AP3S1: variants seen among roughly 807,000 people sequenced by gnomAD.
AP3S1 encodes the protein adaptor related protein complex 3 subunit sigma 1, also known as AP-3 complex subunit sigma-1.
A neutral mutation model predicts 21.3 loss-of-function variants in AP3S1; 12 were observed. The ratio of observed to expected loss-of-function variants is 0.56; its 90% CI spans 0.36 to 0.91. The LOEUF (loss-of-function observed/expected upper bound fraction) is 0.91, where lower values mean the gene tolerates loss of function less well. Among genes scored for constraint, AP3S1 ranks in the 40% least tolerant of loss-of-function variants. The pLI is 0.01. For missense variants in AP3S1, 116 were observed against 225.0 expected (o/e 0.52, Z 3.10); for synonymous variants, 48 against 78.4 (o/e 0.61, Z 2.05).
intron 1 of AP3S1, among the ~76,000 whole-genome samples, chr5:115,848,064 G>A (rs1162586067): frequency 6.6e-6 from 1 of 152,132 alleles, no homozygotes; most frequent in African/African-American, 2.4e-5. Flanking sequence ...TTTTGGTTAT[G>A]AGGTAAGTGT....
intron 3 of AP3S1, among the ~76,000 whole-genome samples, chr5:115,884,410 A>C (rs1417674363): frequency 6.6e-6 from 1 of 152,114 alleles, no homozygotes; most frequent in Admixed American, 6.5e-5. Context: ...CTAAAGATAC[A>C]AAAAATTAGC....
chr5:115,849,615 CT>C (rs1475283689), intron 1 of AP3S1, among the ~76,000 whole-genome samples: 1 of 152,194 alleles, frequency 6.6e-6, no homozygotes, highest in African/African-American at 2.4e-5. Flanking sequence ...GGAGATACTC[CT>C]CTTTGAATCA....
chr5:115,907,969 T>TTAGA (rs1751793383), intron 5 of AP3S1, among the ~76,000 whole-genome samples: 1 of 152,146 alleles, frequency 6.6e-6, no homozygotes, highest in African/African-American at 2.4e-5. Flanking sequence ...ACTTACGAAG[T>TTAGA]TAGATTATGC....
At chr5:115,845,410 C>A (rs1761981482) in intron 1 of AP3S1, among the ~76,000 whole-genome samples, 2 of 152,194 alleles carry the variant, frequency 1.3e-5, no homozygotes, top group Non-Finnish European at 2.9e-5. Flanking sequence ...GTGCACATTT[C>A]CATTTCATGC....
intron 3 of AP3S1, among the ~76,000 whole-genome samples, chr5:115,889,267 A>G (rs979334767): frequency 5.9e-5 from 9 of 152,206 alleles, no homozygotes; most frequent in Non-Finnish European, 1.0e-4. Flanking sequence ...TATGACTGCA[A>G]CATATAGGTA....
At chr5:115,885,049 C>A (rs1435003039) in intron 3 of AP3S1, among the ~76,000 whole-genome samples, 2 of 152,210 alleles carry the variant, frequency 1.3e-5, no homozygotes, top group Admixed American at 1.3e-4. Context: ...TCTGCACTAA[C>A]ATGACGGCCA....
intron 5 of AP3S1, among the ~76,000 whole-genome samples, chr5:115,909,590 G>A (rs575686171): frequency 4.8e-4 from 73 of 152,076 alleles, no homozygotes; most frequent in Admixed American, 1.4e-3. Flanking sequence ...TGGTGTAGTC[G>A]CTGCAGTTTT....
intron 1 of AP3S1, among the ~76,000 whole-genome samples, chr5:115,864,123 A>G (rs3984984): frequency 0.011 from 1,634 of 152,342 alleles, 35 homozygotes; most frequent in African/African-American, 0.037. Flanking sequence ...ATTCAGGTTT[A>G]TGATGAGGAC....
At chr5:115,869,519 A>T (rs1422488153) in intron 2 of AP3S1, among the ~76,000 whole-genome samples, 1 of 152,106 alleles carries the variant, frequency 6.6e-6, no homozygotes, top group Non-Finnish European at 1.5e-5. Context: ...TTTGTTCTTG[A>T]TGAAATGTCC....
chr5:115,896,990 T>A (rs1295029927), intron 4 of AP3S1, among the ~76,000 whole-genome samples: 1 of 152,154 alleles, frequency 6.6e-6, no homozygotes, highest in African/African-American at 2.4e-5. Context: ...TTAAGGAAAT[T>A]AAGCTGTACT....
chr5:115,850,366 A>G (rs1483481646), intron 1 of AP3S1, among the ~76,000 whole-genome samples: 1 of 152,240 alleles, frequency 6.6e-6, no homozygotes, highest in Non-Finnish European at 1.5e-5. Context: ...AGTAAAAAAT[A>G]TATAACAAAA....
chr5:115,907,794 A>G (rs1251082352), intron 5 of AP3S1, among the ~76,000 whole-genome samples: 3 of 152,288 alleles, frequency 2.0e-5, no homozygotes, highest in South Asian at 2.1e-4. Context: ...TTTTCACACC[A>G]TAAATTAACT....
At chr5:115,873,477 TCA>T (rs1308903078) in intron 3 of AP3S1, among the ~76,000 whole-genome samples, 2 of 152,138 alleles carry the variant, frequency 1.3e-5, no homozygotes, top group African/African-American at 4.8e-5. Context: ...ATGTATTGTG[TCA>T]CAAAAAAGAA....
At chr5:115,872,868 GA>G (rs549934590) in intron 3 of AP3S1, among the ~76,000 whole-genome samples, 7 of 151,908 alleles carry the variant, frequency 4.6e-5, no homozygotes, top group African/African-American at 1.4e-4. Flanking sequence ...TATTTTTACA[GA>G]AAAAAAATTA....
chr5:115,907,790 C>T (rs1466150522), intron 5 of AP3S1, among the ~76,000 whole-genome samples: 1 of 152,092 alleles, frequency 6.6e-6, no homozygotes, highest in Non-Finnish European at 1.5e-5. Context: ...CGTTTTTTCA[C>T]ACCATAAATT....
chr5:115,877,384 ATGTTCCCCTCCCTG>A (rs1007582999), intron 3 of AP3S1, among the ~76,000 whole-genome samples: 1 of 151,966 alleles, frequency 6.6e-6, no homozygotes, highest in Non-Finnish European at 1.5e-5. Flanking sequence ...CCGGTGTGTG[ATGTTCCCCTCCCTG>A]TGTCCATGTG....
intron 3 of AP3S1, among the ~76,000 whole-genome samples, chr5:115,889,565 G>T (rs1750099406): frequency 6.6e-6 from 1 of 152,186 alleles, no homozygotes; most frequent in Non-Finnish European, 1.5e-5. Flanking sequence ...GATTTTATTG[G>T]AATGGAAAAA....
At chr5:115,893,477 C>T (rs995991901) in intron 3 of AP3S1, among the ~76,000 whole-genome samples, 6 of 152,128 alleles carry the variant, frequency 3.9e-5, no homozygotes, top group Admixed American at 6.5e-5. Flanking sequence ...AGGTTTCCAT[C>T]GATAGTAAAC....
intron 3 of AP3S1, among the ~76,000 whole-genome samples, chr5:115,875,789 C>A (rs1419953402): frequency 6.6e-6 from 1 of 152,174 alleles, no homozygotes; most frequent in Non-Finnish European, 1.5e-5. Context: ...ATTTGTTTCT[C>A]ATGTATTTTT....
Sources: allele counts gnomAD v4.1 joint callset (sites outside exome capture counted in the v4.1 genomes callset), GRCh38; gene constraint gnomAD v4.1.1; transcripts MANE v1.5; gene names NCBI Gene and HGNC (gene_info 2026-07-23, HGNC 2026-07-21).